Variants in IGSF10 observed in about 807,000 individuals in gnomAD.
IGSF10 encodes the protein calvaria mechanical force protein 608.
IGSF10 carries 126 observed loss-of-function variants against 128.2 expected under a neutral mutation model. The ratio of observed to expected loss-of-function variants is 0.98; its 90% CI spans 0.85 to 1.14. The LOEUF is 1.14. Among genes scored for constraint, IGSF10 ranks in the 50% most tolerant of loss-of-function variants. IGSF10 has a pLI of 0.00. For synonymous variants in IGSF10, 1,185 were observed against 1,146.2 expected (o/e 1.03, Z -0.68); for missense variants, 3,295 against 3,149.8 (o/e 1.05, Z -1.10).
Position 151,448,946 on chromosome 3 carries a change from G to A in IGSF10, c.1035C>T (p.Phe345=). Residue 345 remains phenylalanine (F), a synonymous_variant, in exon 6 of 8, where the codon TTC becomes TTT. Coordinates refer to ENST00000282466, the MANE Select transcript of IGSF10 (RefSeq NM_178822.5). ...GCACGATGTAGTCATTTTCTTCAGT[G>A]AATGCAATGGGTGATGTCCTTGAGG... is the stretch of plus-strand genomic sequence containing the variant. ...QKPSRTSPIA[F]TEENDYIVLN... 1 of 1,614,182 alleles carries A rather than the reference G, an allele frequency of 6.2e-7. No homozygotes were observed. The highest frequency in any genetic ancestry group is 1.6e-4 in the Middle Eastern group (1 of 6,062).
intron 2 of IGSF10, 28 bp from the exon 3 acceptor site, chr3:151,458,738 TAA>T (rs1560183638): frequency 6.3e-7 from 1 of 1,589,584 alleles, no homozygotes; most frequent in South Asian, 1.1e-5. Context: ...CTCAGAGTTA[TAA>T]AGAGTGGTGG....
chr3:151,455,116 G>GTT (rs558135101), intron 4 of IGSF10, among the ~76,000 whole-genome samples: 1 of 144,544 alleles, frequency 6.9e-6, no homozygotes, highest in African/African-American at 2.5e-5. Context: ...TTTGCGTTTT[G>GTT]TTTTTTTTTT....
chr3:151,502,757 G>T, the IGSF10 span, among the ~76,000 whole-genome samples: 1 of 152,052 alleles, frequency 6.6e-6, no homozygotes, highest in South Asian at 2.1e-4. Flanking sequence ...GAACTAAAGA[G>T]CTCATGTAAA....
At chr3:151,489,839 G>A in the IGSF10 span, among the ~76,000 whole-genome samples, 1 of 152,064 alleles carries the variant, frequency 6.6e-6, no homozygotes, top group Admixed American at 6.6e-5. Flanking sequence ...CGGGCTAGGG[G>A]AGGGATAGCA....
At chr3:151,585,439 T>C in the IGSF10 span, among the ~76,000 whole-genome samples, 1 of 152,224 alleles carries the variant, frequency 6.6e-6, no homozygotes, top group Non-Finnish European at 1.5e-5. Flanking sequence ...TCTTTTACTC[T>C]GTCTCATATT....
At chr3:151,521,933 A>G in the IGSF10 span, among the ~76,000 whole-genome samples, 1 of 151,924 alleles carries the variant, frequency 6.6e-6, no homozygotes, top group Non-Finnish European at 1.5e-5. Context: ...GCTTTTTGAA[A>G]AAAATAAGAC....
chr3:151,564,713 A>G, the IGSF10 span, among the ~76,000 whole-genome samples: 1 of 152,176 alleles, frequency 6.6e-6, no homozygotes, highest in East Asian at 1.9e-4. Flanking sequence ...ATGTCCTTAG[A>G]GGCCAAGAAA....
the IGSF10 span, among the ~76,000 whole-genome samples, chr3:151,503,565 T>C: frequency 4.6e-5 from 7 of 152,176 alleles, no homozygotes; most frequent in East Asian, 1.4e-3. Flanking sequence ...GAATGCAGCA[T>C]AGAGAGACAA....
Position 151,445,311 on chromosome 3 carries a change from G to C in IGSF10, c.4670C>G (p.Thr1557Arg), listed in dbSNP as rs1721117173. ...LHSTPMPALT[T>R]VKSQNSKLTP... ...TAATTTAGAATTCTGTGATTTAACT[G>C]TTGTTAGTGCTGGCATGGGAGTAGA... is the stretch of plus-strand genomic sequence containing the variant. Residue 1557 changes from threonine to arginine, a missense_variant, in exon 6 of 8, where the codon ACA becomes AGA. Physicochemically the swap from Thr to Arg is moderately conservative, Grantham distance 71. Coordinates refer to ENST00000282466, the MANE Select transcript of IGSF10 (RefSeq NM_178822.5). The C allele has an allele frequency of 6.2e-7, 1 of 1,614,086 alleles. No individual in the cohort carries two copies. The highest frequency in any genetic ancestry group is 1.3e-5 in the African/African-American group (1 of 74,946).
In IGSF10 at chr3:151,437,382, A is replaced by G. The variant is rs146894591; in HGVS notation, c.7179T>C (p.Asn2393=). 4.3e-5 allele frequency: 69 copies of G among 1,614,090 alleles called. No homozygotes were observed. In the African/African-American group the frequency reaches 8.8e-4, roughly 21 times the overall value. The change falls in exon 8 of 8, where the codon AAT becomes AAC. Residue 2393 remains asparagine, a synonymous_variant. Transcript: ENST00000282466. ...PQSYQYLIAS[N]GSFIISKTTR... ...TTGTTTTAGAAATGATAAAAGAACC[A>G]TTGCTTGCTATCAGATACTGATAAC...
the IGSF10 span, among the ~76,000 whole-genome samples, chr3:151,523,196 G>A: frequency 6.6e-6 from 1 of 152,160 alleles, no homozygotes; most frequent in South Asian, 2.1e-4. Context: ...CACATCTCAT[G>A]CTCATGGATA....
chr3:151,526,403 CA>C, the IGSF10 span, among the ~76,000 whole-genome samples: 47,071 of 151,738 alleles, frequency 0.31, 7,993 homozygotes, highest in Middle Eastern at 0.42. Context: ...GTCATAATCT[CA>C]AACTGATGTT....
Position 151,436,827 on chromosome 3 carries a change from T to C in IGSF10, c.7734A>G (p.Thr2578=). The C allele has an allele frequency of 3.1e-6, 5 of 1,614,204 alleles. No homozygotes were observed. The highest frequency in any genetic ancestry group is 4.2e-6 in the Non-Finnish European group (5 of 1,180,012). ...SLLSTASKER[T]HGSEQLHLQG... ...GTAAGTGAAGCTGCTCACTTCCATG[T>C]GTCCTCTCTTTACTTGCCGTTGAGA... The change falls in exon 8 of 8, where the codon ACA becomes ACG. Residue 2578 remains threonine, a synonymous_variant. Transcript: ENST00000282466.
the IGSF10 span, among the ~76,000 whole-genome samples, chr3:151,553,427 G>A: frequency 1.3e-5 from 2 of 151,942 alleles, no homozygotes; most frequent in Non-Finnish European, 2.9e-5. Flanking sequence ...TATTAAAATT[G>A]TCAATAAAAG....
At chr3:151,589,507 G>T in the IGSF10 span, among the ~76,000 whole-genome samples, 1 of 152,172 alleles carries the variant, frequency 6.6e-6, no homozygotes, top group African/African-American at 2.4e-5. Context: ...GGAAGTGAGA[G>T]AAACTCTGAG....
At chr3:151,513,018 C>T in the IGSF10 span, among the ~76,000 whole-genome samples, 4 of 152,104 alleles carry the variant, frequency 2.6e-5, no homozygotes, top group Non-Finnish European at 2.9e-5. Context: ...GATTAACAGC[C>T]GAATTCTACC....
chr3:151,447,529 C>G lies in IGSF10; in HGVS notation c.2452G>C (p.Ala818Pro), dbSNP rs1721267275. 3 of 1,614,144 alleles carry G rather than the reference C, an allele frequency of 1.9e-6. No homozygotes were observed. The highest frequency in any genetic ancestry group is 2.2e-5 in the East Asian group (1 of 44,882). ...CTGGAGTCAGCAGTCACTGTCCTTG[C>G]TGGAAGGTTCAAAGCTTTAGTGGCC... ...VPATKALNLP[A>P]RTVTADSRTI... Residue 818 changes from alanine to proline, a missense_variant, in exon 6 of 8, where the codon GCA (alanine) becomes CCA (proline). By Grantham distance (27) the Ala-to-Pro change is conservative (BLOSUM62 -1). Coordinates refer to ENST00000282466, the MANE Select transcript of IGSF10 (RefSeq NM_178822.5).
chr3:151,584,468 T>C, the IGSF10 span, among the ~76,000 whole-genome samples: 1 of 152,250 alleles, frequency 6.6e-6, no homozygotes, highest in Non-Finnish European at 1.5e-5. Flanking sequence ...TTTATTTGTC[T>C]TACTTATTTT....
At chr3:151,462,252 T>G (rs1463585583), upstream of IGSF10, among the ~76,000 whole-genome samples, 1 of 152,152 alleles carries the variant, frequency 6.6e-6, no homozygotes, top group Non-Finnish European at 1.5e-5. Context: ...GGGCAGTGGA[T>G]CTCAAGATAG....
Sources: gnomAD v4.1 joint callset for allele counts (sites outside exome capture counted in the v4.1 genomes callset) on GRCh38, gnomAD v4.1.1 for gene constraint, MANE v1.5 for transcripts, NCBI Gene and HGNC (gene_info 2026-07-23, HGNC 2026-07-21) for gene names.